CCR2: variants seen among roughly 807,000 people sequenced by gnomAD.
CCR2 encodes C-C chemokine receptor type 2.
For missense variants in CCR2, 408 were observed against 440.0 expected (o/e 0.93, Z 0.65); for synonymous variants, 183 against 177.1 (o/e 1.03, Z -0.27).
rs187021091 is a variant in CCR2, at chr3:46,358,521, T to C, written c.994T>C (p.Cys332Arg). 1.3e-5 allele frequency: 21 copies of C among 1,613,196 alleles called. No individual in the cohort carries two copies. Among genetic ancestry groups the C allele is most frequent in the Non-Finnish European group, 1.7e-5 (20 of 1,179,810 alleles). The part of the protein sequence containing the change: ...KHITKRFCKQ[C>R]PVFYRETVDG... ...CATCACCAAGCGCTTCTGCAAACAATGTCCAGTTTTCTACAGGGAGACAGT... is the reference window on the plus strand; with the variant it reads ...CATCACCAAGCGCTTCTGCAAACAACGTCCAGTTTTCTACAGGGAGACAGT... Residue 332 changes from cysteine (C) to arginine (R), a missense_variant, in exon 2 of 2, where the codon TGT becomes CGT. Cys to Arg is a radical substitution (Grantham distance 180, BLOSUM62 -3). Transcript: ENST00000445132.
chr3:46,358,989 A>G lies in CCR2; in HGVS notation c.*379A>G. The G allele has an allele frequency of 9.5e-7, 1 of 1,053,546 alleles. No homozygotes were observed. The highest frequency in any genetic ancestry group is 1.2e-6 in the Non-Finnish European group (1 of 862,256). The allele number at this position is 1,053,546 out of a possible 1,614,324, so 65.3% of individuals were successfully genotyped here. A position where few individuals can be genotyped will look rare whatever the true frequency, so the allele number is the denominator to read the frequency against. ...AATGTGACAGGCACAGATGAATGGG[A>G]GTGAGGGATAGTGGGGTCAGGGCTG... On this transcript the variant is annotated 3_prime_UTR_variant, in exon 2 of 2. Transcript: ENST00000445132.
Position 46,359,780 on chromosome 3 carries a change from G to T in CCR2, c.*1170G>T. On this transcript the variant is annotated 3_prime_UTR_variant, in exon 2 of 2. Transcript: ENST00000445132. ...AAAGAATGTGAAAGTGACTACACAAGGACTCCTCGATGGTCGTGGAAAAGG... is the reference window on the plus strand; with the variant it reads ...AAAGAATGTGAAAGTGACTACACAATGACTCCTCGATGGTCGTGGAAAAGG... 1 of 1,614,114 alleles carries T rather than the reference G, an allele frequency of 6.2e-7. No individual in the cohort carries two copies. Among genetic ancestry groups the T allele is most frequent in the Non-Finnish European group, 8.5e-7 (1 of 1,179,992 alleles).
In CCR2 at chr3:46,359,515, G is replaced by T; in HGVS notation, c.*905G>T. On this transcript the variant is annotated 3_prime_UTR_variant, in exon 2 of 2. Coordinates refer to ENST00000445132, the MANE Select transcript of CCR2 (RefSeq NM_001123396.4). ...ACCAGGAGCAAAGGACGGGGATCGT[G>T]TGGAACCACTGCAGAACTATTTCCG... The T allele has an allele frequency of 1.0e-6, 1 of 983,870 alleles. No homozygotes were observed. 60.9% of individuals were successfully genotyped at this position (983,870 alleles called of 1,614,324 possible). A position where few individuals can be genotyped will look rare whatever the true frequency, so the allele number is the denominator to read the frequency against.
At chr3:46,355,794 T>C (rs905498558) in intron 1 of CCR2, among the ~76,000 whole-genome samples, 4 of 152,222 alleles carry the variant, frequency 2.6e-5, no homozygotes, top group African/African-American at 9.7e-5. Context: ...CCTTACTCCA[T>C]TGATCTTCAC....
rs918235857 is a variant in CCR2, at chr3:46,360,833, C to A, written c.*2223C>A. The A allele has an allele frequency of 1.3e-5, 2 of 152,204 alleles. No homozygotes were observed. The highest frequency in any genetic ancestry group is 4.8e-5 in the African/African-American group (2 of 41,442). The allele number at this position is 152,204 out of a possible 1,614,324, so 9.4% of individuals were successfully genotyped here. The stretch of plus-strand genomic sequence containing the variant: ...TATATTTGTATGATCCTAATGAATG[C>A]ATAAAATGTTAAGTTGATGGTGATG... On this transcript the variant is annotated 3_prime_UTR_variant, in exon 2 of 2. Coordinates refer to ENST00000445132, the MANE Select transcript of CCR2 (RefSeq NM_001123396.4).
chr3:46,359,744 G>A lies in CCR2; in HGVS notation c.*1134G>A. The A allele has an allele frequency of 6.2e-7, 1 of 1,614,134 alleles. No homozygotes were observed. The highest frequency in any genetic ancestry group is 8.5e-7 in the Non-Finnish European group (1 of 1,179,990). The stretch of plus-strand genomic sequence containing the variant: ...AAAACCAGTGTGTGGAGGTCCAGGA[G>A]TGAGACCAGGAAAGAATGTGAAAGT... On this transcript the variant is annotated 3_prime_UTR_variant, in exon 2 of 2. Coordinates refer to ENST00000445132, the MANE Select transcript of CCR2 (RefSeq NM_001123396.4).
rs372758905 is a variant in CCR2, at chr3:46,358,484, C to T, written c.957C>T (p.Phe319=). The change falls in exon 2 of 2, where the codon TTC becomes TTT. Residue 319 remains phenylalanine, a synonymous_variant. Coordinates refer to ENST00000445132, the MANE Select transcript of CCR2 (RefSeq NM_001123396.4). The part of the protein sequence containing the change: ...GEKFRRYLSV[F]FRKHITKRFC... ...AGTTCAGAAGGTATCTCTCGGTGTTCTTCCGAAAGCACATCACCAAGCGCT... is the reference window on the plus strand; with the variant it reads ...AGTTCAGAAGGTATCTCTCGGTGTTTTTCCGAAAGCACATCACCAAGCGCT... 2.5e-6 allele frequency: 4 copies of T among 1,613,492 alleles called. No homozygotes were observed. Among genetic ancestry groups the T allele is most frequent in the Non-Finnish European group, 3.4e-6 (4 of 1,180,002 alleles).
Position 46,359,421 on chromosome 3 carries a change from T to C in CCR2, c.*811T>C. The C allele has an allele frequency of 8.8e-7, 1 of 1,130,886 alleles. No individual in the cohort carries two copies. The highest frequency in any genetic ancestry group is 1.1e-6 in the Non-Finnish European group (1 of 888,322). 70.1% of individuals were successfully genotyped at this position (1,130,886 alleles called of 1,614,324 possible). The stretch of plus-strand genomic sequence containing the variant: ...CTAATATATGTATATGCAATATATA[T>C]AGGCTCTTGCTTGATCTCTCCAGGA... On this transcript the variant is annotated 3_prime_UTR_variant, in exon 2 of 2. Transcript: ENST00000445132.
Position 46,360,001 on chromosome 3 carries a change from A to G in CCR2, c.*1391A>G. The stretch of plus-strand genomic sequence containing the variant: ...GACTCCAGCTGGGTTGGAAAACAGT[A>G]TTTTCCAAACTACCTTCCAGTTCCT... On this transcript the variant is annotated 3_prime_UTR_variant, in exon 2 of 2. Transcript: ENST00000445132. The G allele has an allele frequency of 1.4e-6, 1 of 730,438 alleles. No individual in the cohort carries two copies. Among genetic ancestry groups the G allele is most frequent in the Non-Finnish European group, 2.2e-6 (1 of 459,234 alleles). The allele number at this position is 730,438 out of a possible 1,614,324, so 45.2% of individuals were successfully genotyped here.
chr3:46,359,268 C>A lies in CCR2; in HGVS notation c.*658C>A. Reference sequence around the variant, plus strand: ...GCTTTATTACAGTTTATCTATGGCACCCATGCACCTTACATTTGAAATCTA... The same window carrying A: ...GCTTTATTACAGTTTATCTATGGCAACCATGCACCTTACATTTGAAATCTA... On this transcript the variant is annotated 3_prime_UTR_variant, in exon 2 of 2. Coordinates refer to ENST00000445132, the MANE Select transcript of CCR2 (RefSeq NM_001123396.4). 2.0e-6 allele frequency: 2 copies of A among 1,009,564 alleles called. No individual in the cohort carries two copies. The highest frequency in any genetic ancestry group is 2.4e-6 in the Non-Finnish European group (2 of 836,138). 62.5% of individuals were successfully genotyped at this position (1,009,564 alleles called of 1,614,324 possible). A position where few individuals can be genotyped will look rare whatever the true frequency, so the allele number is the denominator to read the frequency against.
chr3:46,354,447 C>T (rs1398711135), intron 1 of CCR2, among the ~76,000 whole-genome samples: 4 of 152,180 alleles, frequency 2.6e-5, no homozygotes, highest in African/African-American at 4.8e-5. Flanking sequence ...CCAGTCCACA[C>T]ACCCAGGGGC....
Position 46,357,978 on chromosome 3 carries a change from G to A in CCR2, c.451G>A (p.Ala151Thr). Residue 151 changes from alanine to threonine, a missense_variant, in exon 2 of 2, where the codon GCC (alanine) becomes ACC (threonine). Transcript: ENST00000445132. The stretch of plus-strand genomic sequence containing the variant: ...TGTCCATGCTGTGTTTGCTTTAAAA[G>A]CCAGGACGGTCACCTTTGGGGTGGT... ...AIVHAVFALK[A>T]RTVTFGVVTS... 1 of 1,614,174 alleles carries A rather than the reference G, an allele frequency of 6.2e-7. No homozygotes were observed.
rs1701526710 is a variant in CCR2, at chr3:46,360,127, G to T, written c.*1517G>T. ...TGTAAATGTGGTAAAGAGTTAGTTT[G>T]AGTTACTATCATGTCAAACGTGAAA... On this transcript the variant is annotated 3_prime_UTR_variant, in exon 2 of 2. Coordinates refer to ENST00000445132, the MANE Select transcript of CCR2 (RefSeq NM_001123396.4). 2.5e-6 allele frequency: 1 copy of T among 397,276 alleles called. No individual in the cohort carries two copies. Among genetic ancestry groups the T allele is most frequent in the Non-Finnish European group, 4.5e-6 (1 of 222,018 alleles). The allele number at this position is 397,276 out of a possible 1,614,324, so 24.6% of individuals were successfully genotyped here.
intron 1 of CCR2, chr3:46,355,084 G>A (rs1320361741): frequency 6.6e-6 from 1 of 152,216 alleles, no homozygotes; most frequent in Admixed American, 6.5e-5. Flanking sequence ...ACATTTATTG[G>A]TGCCTCCTTT....
At position 46,359,639 on chromosome 3, in the gene CCR2, G is replaced by A; in HGVS notation, c.*1029G>A. ...GTTTGTTTTGTGCTTGCTTTTCCCT[G>A]CCTTGCCACTCCCCTCACTCTTCTC... On this transcript the variant is annotated 3_prime_UTR_variant, in exon 2 of 2. Transcript: ENST00000445132. The A allele has an allele frequency of 6.3e-7, 1 of 1,583,602 alleles. No individual in the cohort carries two copies. The highest frequency in any genetic ancestry group is 8.6e-7 in the Non-Finnish European group (1 of 1,167,332).
rs1373191489 is a variant in CCR2 at position 46,357,724 on chromosome 3, T to G, written c.197T>G (p.Ile66Ser). The G allele has an allele frequency of 6.2e-7, 1 of 1,614,176 alleles. No homozygotes were observed. The highest frequency in any genetic ancestry group is 1.7e-5 in the Admixed American group (1 of 60,024). ...GFVGNMLVVL[I>S]LINCKKLKCL... The stretch of plus-strand genomic sequence containing the variant: ...GTGGGCAACATGCTGGTCGTCCTCA[T>G]CTTAATAAACTGCAAAAAGCTGAAG... Residue 66 changes from isoleucine (I) to serine (S), a missense_variant, in exon 2 of 2, where the codon ATC becomes AGC. Physicochemically the swap from Ile to Ser is moderately radical, Grantham distance 142. Transcript: ENST00000445132.
At position 46,358,040 on chromosome 3, in the gene CCR2, T is replaced by C. The variant is rs1169108088; in HGVS notation, c.513T>C (p.Ala171=). The C allele has an allele frequency of 6.2e-7, 1 of 1,614,250 alleles. No homozygotes were observed. Among genetic ancestry groups the C allele is most frequent in the African/African-American group, 1.3e-5 (1 of 75,078 alleles). ...SVITWLVAVF[A]SVPGIIFTKC... ...TCACCTGGTTGGTGGCTGTGTTTGCTTCTGTCCCAGGAATCATCTTTACTA... is the reference window on the plus strand; with the variant it reads ...TCACCTGGTTGGTGGCTGTGTTTGCCTCTGTCCCAGGAATCATCTTTACTA... Residue 171 remains alanine (A), a synonymous_variant, in exon 2 of 2, where the codon GCT becomes GCC. Transcript: ENST00000445132.
chr3:46,358,089 T>C lies in CCR2; in HGVS notation c.562T>C (p.Tyr188His), dbSNP rs368754451. The C allele has an allele frequency of 3.7e-5, 60 of 1,614,084 alleles. No individual in the cohort carries two copies. Among genetic ancestry groups the C allele is most frequent in the South Asian group, 3.0e-4 (27 of 91,090 alleles). ...FTKCQKEDSV[Y>H]VCGPYFPRGW... ...TAAATGCCAGAAAGAAGATTCTGTT[T>C]ATGTCTGTGGCCCTTATTTTCCACG... The change falls in exon 2 of 2, where the codon TAT becomes CAT. Residue 188 changes from tyrosine (Y) to histidine (H), a missense_variant. Tyr to His is a moderately conservative substitution (Grantham distance 83). Transcript: ENST00000445132.
At chr3:46,356,022 C>T (rs1440711906) in intron 1 of CCR2, among the ~76,000 whole-genome samples, 1 of 152,208 alleles carries the variant, frequency 6.6e-6, no homozygotes, top group African/African-American at 2.4e-5. Context: ...TTCAGCAGTG[C>T]CCCATTTGGG....
Sources: gnomAD v4.1 joint callset for allele counts (sites outside exome capture counted in the v4.1 genomes callset) on GRCh38, gnomAD v4.1.1 for gene constraint, MANE v1.5 for transcripts, NCBI Gene and HGNC (gene_info 2026-07-23, HGNC 2026-07-21) for gene names.